MDN1: variants seen among roughly 807,000 people sequenced by gnomAD.
MDN1 encodes midasin.
MDN1 carries 266 observed loss-of-function variants against 669.2 expected under a neutral mutation model. That is an observed-to-expected ratio of 0.40 (90% CI 0.36 to 0.44). The LOEUF is 0.44. MDN1 is among the 20% of genes least tolerant of loss of function. MDN1 has a pLI of 1.00. For synonymous variants in MDN1, 2,385 were observed against 2,457.1 expected, an observed-to-expected ratio of 0.97 and a Z score of 0.87; for missense variants, 5,940 against 6,754.0, an observed-to-expected ratio of 0.88 and a Z score of 4.22.
intron 9 of MDN1, among the ~76,000 whole-genome samples, chr6:89,782,604 AAATAATAATAATAAT>A (rs58697438): frequency 6.2e-5 from 9 of 144,192 alleles, no homozygotes; most frequent in African/African-American, 1.5e-4. Flanking sequence ...TTTCCTCAAA[AAATAATAATAATAAT>A]AATAATAATA....
intron 49 of MDN1, 101 bp downstream of exon 49, chr6:89,711,935 T>C: frequency 9.1e-7 from 1 of 1,099,568 alleles, no homozygotes; most frequent in Non-Finnish European, 1.3e-6. Context: ...CCAACTGTAA[T>C]TTTAACAGTG....
At chr6:89,800,537 C>T (rs1309317554) in intron 2 of MDN1, among the ~76,000 whole-genome samples, 1 of 152,186 alleles carries the variant, frequency 6.6e-6, no homozygotes, top group African/African-American at 2.4e-5. Context: ...AGCATAGATG[C>T]TTACTGTCCC....
At position 89,677,689 on chromosome 6, in the gene MDN1, C is replaced by A. The variant is rs372433374; in HGVS notation, c.12420G>T (p.Ser4140=). The change falls in exon 76 of 102, where the codon TCG becomes TCT. Residue 4140 remains serine (S), a synonymous_variant. Transcript: ENST00000369393. ...LFKHLAKIGL[S]YRKGLAWARS... ...GGGCCCAAGCAAGACCTTTGCGATA[C>A]GACAAACCTAGGAAATAAACAGCAT... 6.2e-6 allele frequency: 10 copies of A among 1,613,910 alleles called. No homozygotes were observed. The highest frequency in any genetic ancestry group is 1.1e-5 in the South Asian group (1 of 91,088).
chr6:89,670,214 C>T (rs1384547789), intron 83 of MDN1, among the ~76,000 whole-genome samples: 16 of 102,704 alleles, frequency 1.6e-4, no homozygotes, highest in Non-Finnish European at 2.6e-4. Flanking sequence ...GCTCTTGTTG[C>T]CCAGGCTGGA....
At chr6:89,781,053 T>G (rs112865454) in intron 10 of MDN1, among the ~76,000 whole-genome samples, 7 of 152,004 alleles carry the variant, frequency 4.6e-5, no homozygotes, top group Admixed American at 1.3e-4. Context: ...AGAAGACTTA[T>G]TTAAGACTCC....
rs144636738 is a variant in MDN1, at chr6:89,771,600, T to A, written c.2105A>T (p.Asn702Ile). 1.2e-6 allele frequency: 2 copies of A among 1,614,024 alleles called. No individual in the cohort carries two copies. Among genetic ancestry groups the A allele is most frequent in the Non-Finnish European group, 1.7e-6 (2 of 1,179,954 alleles). The change falls in exon 15 of 102, where the codon AAT becomes ATT. Residue 702 changes from asparagine to isoleucine, a missense_variant. Physicochemically the swap from Asn to Ile is moderately radical, Grantham distance 149. Coordinates refer to ENST00000369393, the MANE Select transcript of MDN1 (RefSeq NM_014611.3). Reference sequence around the variant, plus strand: ...TGCAGTATCACTTTGTTGATTCATATTGACAACCCTCAAACGGTGGCCTTT... The same window carrying A: ...TGCAGTATCACTTTGTTGATTCATAATGACAACCCTCAAACGGTGGCCTTT... The part of the protein sequence containing the change: ...HITGHRLRVV[N>I]MNQQSDTADL...
At chr6:89,688,292 G>GAA (rs373392537) in intron 66 of MDN1, 119 bp from the exon 67 acceptor site, 70 of 797,868 alleles carry the variant, frequency 8.8e-5, no homozygotes, top group East Asian at 2.0e-4. Context: ...AAACACCTCT[G>GAA]AAAAAAAAAA....
intron 1 of MDN1, among the ~76,000 whole-genome samples, chr6:89,818,297 G>A (rs1194638198): frequency 7.8e-6 from 1 of 127,776 alleles, no homozygotes; most frequent in Non-Finnish European, 1.6e-5. Context: ...CTCCAGTCTG[G>A]ACGACAGAGC....
intron 49 of MDN1, 124 bp from the exon 50 acceptor site, chr6:89,710,918 A>T: frequency 1.7e-6 from 1 of 582,164 alleles, no homozygotes; most frequent in Non-Finnish European, 3.0e-6. Flanking sequence ...AGGACCTGAA[A>T]TGTGGCCAGT....
At chr6:89,661,967 G>T in intron 87 of MDN1, 120 bp downstream of exon 87, 2 of 1,131,750 alleles carry the variant, frequency 1.8e-6, no homozygotes, top group South Asian at 1.6e-5. Flanking sequence ...TCTTTTATGA[G>T]GTAATGGGAG....
chr6:89,701,424 T>C (rs1813153118), intron 55 of MDN1, 134 bp downstream of exon 55: 6 of 1,184,978 alleles, frequency 5.1e-6, no homozygotes, highest in South Asian at 1.5e-5. Context: ...CACCCCCAGA[T>C]GCCAAAGGAA....
chr6:89,745,298 G>T lies in MDN1; in HGVS notation c.4153C>A (p.Pro1385Thr), dbSNP rs1212705864. The change falls in exon 29 of 102, where the codon CCT (proline) becomes ACT (threonine). Residue 1385 changes from proline to threonine, a missense_variant. Physicochemically the swap from Pro to Thr is conservative, Grantham distance 38. Around this residue, in one of 5 missense-constraint regions of MDN1, gnomAD observed 2,292 missense variants for 2,638.3 expected, o/e 0.87. Coordinates refer to ENST00000369393, the MANE Select transcript of MDN1 (RefSeq NM_014611.3). ...LVGRALEFGE[P>T]VLLVGDTGCG... ...CCAGTGTCTCCAACCAGCAGCACAG[G>T]TTCACCAAATTCCAATGCCCTTCCC... 2 of 1,613,856 alleles carry T rather than the reference G, an allele frequency of 1.2e-6. No homozygotes were observed. Among genetic ancestry groups the T allele is most frequent in the Admixed American group, 1.7e-5 (1 of 60,006 alleles).
At chr6:89,789,619 C>G (rs1819145099) in intron 7 of MDN1, among the ~76,000 whole-genome samples, 161 bp downstream of exon 7, 1 of 152,186 alleles carries the variant, frequency 6.6e-6, no homozygotes, top group Admixed American at 6.5e-5. Context: ...TAATTCAGGA[C>G]CGCAAATCAG....
chr6:89,672,469 T>C (rs1415755960), intron 81 of MDN1, 78 bp downstream of exon 81: 3 of 1,594,192 alleles, frequency 1.9e-6, no homozygotes, highest in South Asian at 2.3e-5. Flanking sequence ...TCCTTAACTA[T>C]TTAGCCACAG....
At chr6:89,775,380 C>T (rs1293166575) in intron 12 of MDN1, among the ~76,000 whole-genome samples, 2 of 152,202 alleles carry the variant, frequency 1.3e-5, no homozygotes, top group African/African-American at 4.8e-5. Context: ...GTAGGACGTT[C>T]TATGACCTCC....
intron 9 of MDN1, among the ~76,000 whole-genome samples, chr6:89,783,464 C>A (rs1216193130): frequency 6.6e-6 from 1 of 152,152 alleles, no homozygotes; most frequent in Non-Finnish European, 1.5e-5. Context: ...AATACGTGCA[C>A]CGCTGAACAT....
At chr6:89,752,092 G>A (rs1157805503) in intron 22 of MDN1, among the ~76,000 whole-genome samples, 1 of 152,078 alleles carries the variant, frequency 6.6e-6, no homozygotes, top group Non-Finnish European at 1.5e-5. Flanking sequence ...TATTAGTTTC[G>A]ATTATACAAA....
In MDN1 at chr6:89,698,751, TG is replaced by T. The variant is rs538327302; in HGVS notation, c.9168+113del. The T allele has an allele frequency of 3.2e-3, 3,007 of 948,754 alleles. 15 individuals carry two copies. Among genetic ancestry groups the T allele is most frequent in the Non-Finnish European group, 2.9e-3 (1,799 of 619,868 alleles). 58.8% of individuals were successfully genotyped at this position (948,754 alleles called of 1,614,324 possible). A position where few individuals can be genotyped will look rare whatever the true frequency, so the allele number is the denominator to read the frequency against. ...TAACATTCTGCAGAAAGTAAAGTGT[TG>T]CAATCACCTGTTTAGTCACCACTCT... On this transcript the variant is annotated intron_variant, in intron 59 of 101. Coordinates refer to ENST00000369393, the MANE Select transcript of MDN1 (RefSeq NM_014611.3).
chr6:89,753,707 T>C (rs1043791649), intron 21 of MDN1, 85 bp from the exon 22 acceptor site: 2 of 1,103,958 alleles, frequency 1.8e-6, no homozygotes, highest in Non-Finnish European at 2.8e-6. Context: ...ATTTAACCTC[T>C]TGGGTGATGC....
Sources: gnomAD v4.1 joint callset for allele counts (sites outside exome capture counted in the v4.1 genomes callset) on GRCh38, gnomAD v4.1.1 for gene constraint, gnomAD v4.1.1 regional missense constraint, MANE v1.5 for transcripts, NCBI Gene and HGNC (gene_info 2026-07-23, HGNC 2026-07-21) for gene names.